SMG9: variants seen among roughly 807,000 people sequenced by gnomAD.
The protein encoded by SMG9 is SMG9 nonsense mediated mRNA decay factor.
Under a neutral mutation model 64.0 loss-of-function variants are expected in SMG9, and 55 were observed. The observed-to-expected ratio is 0.86, with a 90% confidence interval of 0.69 to 1.08. SMG9 has a LOEUF of 1.08. Among genes scored for constraint, SMG9 ranks in the 50% least tolerant of loss-of-function variants. The pLI, the probability that SMG9 is intolerant of heterozygous loss-of-function variation, is 0.00. For synonymous variants in SMG9, 244 were observed against 254.8 expected (o/e 0.96, Z 0.41); for missense variants, 554 against 681.3 (o/e 0.81, Z 2.08).
At chr19:43,744,973 C>T (rs534545512) in intron 5 of SMG9, 89 bp from the exon 6 acceptor site, 157 of 877,658 alleles carry the variant, frequency 1.8e-4, no homozygotes, top group Non-Finnish European at 2.4e-4. Context: ...TTGTGGCTCC[C>T]CCACCTGCCT....
At chr19:43,748,785 T>C (rs1050763296) in intron 2 of SMG9, 1 of 520,060 alleles carries the variant, frequency 1.9e-6, no homozygotes, top group African/African-American at 1.9e-5. Flanking sequence ...GTCTGTTCCT[T>C]CACCAATATA....
At chr19:43,747,409 C>G in intron 5 of SMG9, 33 bp downstream of exon 5, 1 of 1,599,670 alleles carries the variant, frequency 6.3e-7, no homozygotes, top group East Asian at 2.2e-5. Context: ...GCAGGATGTG[C>G]GGAAGCTCAG....
chr19:43,753,286 C>T (rs1234414356), intron 1 of SMG9, among the ~76,000 whole-genome samples: 1 of 152,116 alleles, frequency 6.6e-6, no homozygotes, highest in African/African-American at 2.4e-5. Context: ...TCTGAGACTC[C>T]TCCCTCACTT....
intron 9 of SMG9, chr19:43,734,717 A>AT (rs879702681): frequency 7.7e-3 from 3,051 of 394,550 alleles, no homozygotes; most frequent in South Asian, 0.012. Context: ...AGTTTACTGT[A>AT]TTTTTTTTTT....
At position 43,747,453 on chromosome 19, in the gene SMG9, T is replaced by C. The variant is rs1969050643; in HGVS notation, c.577A>G (p.Ser193Gly). The C allele has an allele frequency of 6.2e-7, 1 of 1,613,784 alleles. No homozygotes were observed. The highest frequency in any genetic ancestry group is 8.5e-7 in the Non-Finnish European group (1 of 1,180,040). ...GGACCCCTCGGTACCTCGATGGCACTGTCACACCAATTCATCTGGTCATCC... is the reference window on the plus strand; with the variant it reads ...GGACCCCTCGGTACCTCGATGGCACCGTCACACCAATTCATCTGGTCATCC... ...LVDDQMNWCD[S>G]AIEYLLDQTD... The change falls in exon 5 of 14, where the codon AGT becomes GGT. Residue 193 changes from serine (S) to glycine (G), a missense_variant. Ser to Gly is a moderately conservative substitution (Grantham distance 56). Coordinates refer to ENST00000270066, the MANE Select transcript of SMG9 (RefSeq NM_019108.4).
At chr19:43,743,061 C>A (rs1431222226) in intron 6 of SMG9, among the ~76,000 whole-genome samples, 1 of 150,692 alleles carries the variant, frequency 6.6e-6, no homozygotes, top group East Asian at 1.9e-4. Flanking sequence ...GGTGACAGAG[C>A]GAGACTGTCT....
At chr19:43,732,157 T>A (rs1388991359) in intron 13 of SMG9, 1 of 162,958 alleles carries the variant, frequency 6.1e-6, no homozygotes, top group East Asian at 1.9e-4. Flanking sequence ...TTCCTGCTGC[T>A]TTGTCTGCAC....
At chr19:43,747,402 G>A in intron 5 of SMG9, 40 bp downstream of exon 5, 1 of 1,589,090 alleles carries the variant, frequency 6.3e-7, no homozygotes, top group Non-Finnish European at 8.6e-7. Context: ...AGAGGATGCA[G>A]GATGTGCGGA....
chr19:43,733,918 A>G, intron 10 of SMG9, 185 bp from the exon 11 acceptor site: 1 of 599,136 alleles, frequency 1.7e-6, no homozygotes, highest in South Asian at 2.0e-5. Context: ...GAAGTGAGTC[A>G]GGTCTGATTT....
At chr19:43,747,336 T>C in intron 5 of SMG9, 106 bp downstream of exon 5, 1 of 1,045,328 alleles carries the variant, frequency 9.6e-7, no homozygotes, top group Non-Finnish European at 1.4e-6. Context: ...CTCTCACTGC[T>C]GTAAGTTGCC....
At chr19:43,739,865 C>T in intron 7 of SMG9, 2 of 525,704 alleles carry the variant, frequency 3.8e-6, no homozygotes, top group Non-Finnish European at 6.9e-6. Context: ...CCAGGGCCCA[C>T]ACTTTTCAGC....
In SMG9 at chr19:43,740,229, G is replaced by A. The variant is rs374483841; in HGVS notation, c.702-11C>T. ...CGGAAAACATAAGTCCTGTGGAGAG[G>A]AGCAGGCAGGGGTGTGTGAGAGCTC... is the stretch of plus-strand genomic sequence containing the variant. On this transcript the variant is annotated splice_polypyrimidine_tract_variant and intron_variant, in intron 6 of 13. Transcript: ENST00000270066. The A allele has an allele frequency of 4.4e-6, 7 of 1,589,864 alleles. No individual in the cohort carries two copies. In the South Asian group the frequency reaches 4.4e-5, roughly 10 times the overall value.
At chr19:43,734,695 A>G in intron 9 of SMG9, 200 bp from the exon 10 acceptor site, 1 of 449,884 alleles carries the variant, frequency 2.2e-6, no homozygotes, top group Non-Finnish European at 4.0e-6. Context: ...TACCAACTGT[A>G]TAAATTCTTT....
chr19:43,729,776 G>A lies in SMG9; in HGVS notation c.*1820C>T, dbSNP rs1036700197. The A allele has an allele frequency of 2.0e-5, 3 of 152,358 alleles. No homozygotes were observed. The highest frequency in any genetic ancestry group is 4.4e-5 in the Non-Finnish European group (3 of 68,162). 9.4% of individuals were successfully genotyped at this position (152,358 alleles called of 1,614,324 possible). On this transcript the variant is annotated 3_prime_UTR_variant, in exon 14 of 14. Coordinates refer to ENST00000270066, the MANE Select transcript of SMG9 (RefSeq NM_019108.4). ...GTCAGGAGGGTTCTGTAGAGATCACGACAGTGGGGCAAAGGATTTAGAAGC... is the reference window on the plus strand; with the variant it reads ...GTCAGGAGGGTTCTGTAGAGATCACAACAGTGGGGCAAAGGATTTAGAAGC...
At chr19:43,751,757 T>A (rs1336538669) in intron 1 of SMG9, among the ~76,000 whole-genome samples, 1 of 152,186 alleles carries the variant, frequency 6.6e-6, no homozygotes, top group Non-Finnish European at 1.5e-5. Context: ...GCAGCTATCC[T>A]GGGCTGTAAG....
At position 43,731,447 on chromosome 19, in the gene SMG9, C is replaced by A; in HGVS notation, c.*149G>T. ...TGAGGGTGGGGGGCCTGGCCCTGGA[C>A]ACCTCATGTCTCTGGGCCGGGAAGC... is the stretch of plus-strand genomic sequence containing the variant. On this transcript the variant is annotated 3_prime_UTR_variant, in exon 14 of 14. Coordinates refer to ENST00000270066, the MANE Select transcript of SMG9 (RefSeq NM_019108.4). 2 of 1,460,636 alleles carry A rather than the reference C, an allele frequency of 1.4e-6. No homozygotes were observed. Among genetic ancestry groups the A allele is most frequent in the Non-Finnish European group, 1.8e-6 (2 of 1,103,378 alleles). 90.5% of individuals were successfully genotyped at this position (1,460,636 alleles called of 1,614,324 possible).
At chr19:43,744,134 A>G (rs967935818) in intron 6 of SMG9, among the ~76,000 whole-genome samples, 6 of 152,044 alleles carry the variant, frequency 3.9e-5, no homozygotes, top group Non-Finnish European at 7.4e-5. Context: ...TATCTTCATA[A>G]TCACATTCCA....
At chr19:43,753,941 C>T (rs993560310) in intron 1 of SMG9, among the ~76,000 whole-genome samples, 22 of 151,762 alleles carry the variant, frequency 1.4e-4, no homozygotes, top group African/African-American at 5.3e-4. Context: ...AAACCCCACC[C>T]ACATGCAAGC....
At chr19:43,738,774 C>T (rs1042243542) in intron 7 of SMG9, among the ~76,000 whole-genome samples, 5 of 152,332 alleles carry the variant, frequency 3.3e-5, no homozygotes, top group South Asian at 2.1e-4. Context: ...CAACTGCTCG[C>T]GTTCTCAAAC....
Sources: allele counts gnomAD v4.1 joint callset (sites outside exome capture counted in the v4.1 genomes callset), GRCh38; gene constraint gnomAD v4.1.1; transcripts MANE v1.5; gene names NCBI Gene and HGNC (gene_info 2026-07-23, HGNC 2026-07-21).